Variants in MBOAT1 observed in about 807,000 individuals in gnomAD.
MBOAT1 encodes membrane bound glycerophospholipid O-acyltransferase 1.
Under a neutral mutation model 64.4 loss-of-function variants are expected in MBOAT1, and 67 were observed. The observed-to-expected ratio is 1.04, with a 90% CI of 0.85 to 1.27. The LOEUF is 1.27. MBOAT1 is among the 50% of genes most tolerant of loss of function. The pLI is 0.00. For missense variants in MBOAT1, 563 were observed against 604.6 expected, an observed-to-expected ratio of 0.93 and a Z score of 0.72; for synonymous variants, 229 against 218.9, an observed-to-expected ratio of 1.05 and a Z score of -0.41.
chr6:20,152,947 C>T (rs2113696715), intron 1 of MBOAT1, among the ~76,000 whole-genome samples, 178 bp from the exon 2 acceptor site: 1 of 152,318 alleles, frequency 6.6e-6, no homozygotes, highest in Admixed American at 6.5e-5. Context: ...ATTCTCCTGC[C>T]TCAGCCTCCG....
chr6:20,115,501 A>C, intron 9 of MBOAT1, 149 bp from the exon 10 acceptor site: 1 of 615,624 alleles, frequency 1.6e-6, no homozygotes, highest in Non-Finnish European at 2.9e-6. Context: ...TCCATCCTAC[A>C]CAGGACAATT....
At chr6:20,171,903 C>G (rs1324406599) in intron 1 of MBOAT1, among the ~76,000 whole-genome samples, 3 of 151,866 alleles carry the variant, frequency 2.0e-5, no homozygotes, top group Non-Finnish European at 4.4e-5. Flanking sequence ...ATGTGGTGCG[C>G]TCACCTGTAG....
chr6:20,146,928 C>T (rs2113684986), intron 3 of MBOAT1, among the ~76,000 whole-genome samples: 1 of 152,312 alleles, frequency 6.6e-6, no homozygotes, highest in East Asian at 1.9e-4. Context: ...GAAATCTCAT[C>T]TTAAATTGTA....
intron 5 of MBOAT1, 98 bp from the exon 6 acceptor site, chr6:20,128,851 T>C: frequency 1.2e-6 from 1 of 823,110 alleles, no homozygotes; most frequent in African/African-American, 1.7e-5. Context: ...CCAGGTAATC[T>C]TTGTTTGCTT....
intron 1 of MBOAT1, among the ~76,000 whole-genome samples, chr6:20,191,787 TAGCTATATTATTATAGTACTAATAA>T (rs555859308): frequency 1.3e-5 from 2 of 152,238 alleles, no homozygotes; most frequent in East Asian, 1.9e-4. Flanking sequence ...ATAGCTTTTA[TAGCTATATTATTATAGTACTAATAA>T]AGCTATATTA....
intron 1 of MBOAT1, 141 bp downstream of exon 1, chr6:20,211,994 AC>A (rs1278007822): frequency 6.0e-6 from 4 of 670,804 alleles, no homozygotes; most frequent in African/African-American, 1.8e-5. Flanking sequence ...ACACACACAC[AC>A]ACACACACAA....
At chr6:20,154,538 AAAAAT>A (rs1761621063) in intron 1 of MBOAT1, among the ~76,000 whole-genome samples, 1 of 152,168 alleles carries the variant, frequency 6.6e-6, no homozygotes, top group Non-Finnish European at 1.5e-5. Flanking sequence ...ATCTCAAAAT[AAAAAT>A]AAAATAAAAT....
intron 1 of MBOAT1, among the ~76,000 whole-genome samples, chr6:20,172,879 G>C (rs1434525087): frequency 6.6e-6 from 1 of 152,116 alleles, no homozygotes. Flanking sequence ...ATCTCATGTT[G>C]AATTGTAATC....
Position 20,212,221 on chromosome 6 carries a change from G to C in MBOAT1, c.14C>G (p.Pro5Arg). Reference sequence around the variant, plus strand: ...GCGGTAGGAAAGGCTGGACGGCTGCGGCTCTGCTGCCATCCTGCATCTTCG... The same window carrying C: ...GCGGTAGGAAAGGCTGGACGGCTGCCGCTCTGCTGCCATCCTGCATCTTCG... Reference protein sequence around the residue: MAAEPQPSSLSYRTT... With the variant: MAAERQPSSLSYRTT... Residue 5 changes from proline to arginine, a missense_variant, in exon 1 of 13, where the codon CCG becomes CGG. Physicochemically the swap from Pro to Arg is moderately radical, Grantham distance 103 (BLOSUM62 -2). Coordinates refer to ENST00000324607, the MANE Select transcript of MBOAT1 (RefSeq NM_001080480.3). 6.2e-7 allele frequency: 1 copy of C among 1,612,378 alleles called. No individual in the cohort carries two copies. Among genetic ancestry groups the C allele is most frequent in the Non-Finnish European group, 8.5e-7 (1 of 1,179,726 alleles).
chr6:20,193,831 T>C (rs1762876811), intron 1 of MBOAT1, among the ~76,000 whole-genome samples: 1 of 152,038 alleles, frequency 6.6e-6, no homozygotes, highest in Non-Finnish European at 1.5e-5. Flanking sequence ...GGTCTCGATC[T>C]CTTGACCTCA....
intron 1 of MBOAT1, among the ~76,000 whole-genome samples, chr6:20,163,411 G>T (rs977912838): frequency 6.6e-6 from 1 of 152,146 alleles, no homozygotes; most frequent in Admixed American, 6.5e-5. Context: ...TTAATGTGCT[G>T]CTGACTACCT....
At chr6:20,182,561 G>A (rs1227382413) in intron 1 of MBOAT1, among the ~76,000 whole-genome samples, 1 of 152,112 alleles carries the variant, frequency 6.6e-6, no homozygotes, top group Admixed American at 6.5e-5. Flanking sequence ...CAAGGGAAGG[G>A]AATGAGTGAC....
chr6:20,102,183 C>A lies in MBOAT1; in HGVS notation c.*103G>T. 1.2e-6 allele frequency: 1 copy of A among 855,068 alleles called. No homozygotes were observed. The highest frequency in any genetic ancestry group is 1.7e-6 in the Non-Finnish European group (1 of 584,926). The allele number at this position is 855,068 out of a possible 1,614,324, so 53.0% of individuals were successfully genotyped here. A position where few individuals can be genotyped will look rare whatever the true frequency, so the allele number is the denominator to read the frequency against. Reference sequence around the variant, plus strand: ...TTTAAAAAAGAACAAAATAAAGATGCATGTAAACATCGCCTCTAAGCCACC... The same window carrying A: ...TTTAAAAAAGAACAAAATAAAGATGAATGTAAACATCGCCTCTAAGCCACC... On this transcript the variant is annotated 3_prime_UTR_variant, in exon 13 of 13. Coordinates refer to ENST00000324607, the MANE Select transcript of MBOAT1 (RefSeq NM_001080480.3).
At chr6:20,103,899 T>C (rs1378149542) in intron 12 of MBOAT1, among the ~76,000 whole-genome samples, 1 of 152,208 alleles carries the variant, frequency 6.6e-6, no homozygotes, top group Non-Finnish European at 1.5e-5. Context: ...AAGTCTACAG[T>C]AGTGCACAGT....
At chr6:20,178,074 C>T (rs553964313) in intron 1 of MBOAT1, among the ~76,000 whole-genome samples, 2 of 152,282 alleles carry the variant, frequency 1.3e-5, no homozygotes, top group South Asian at 2.1e-4. Context: ...CATTAAAGTG[C>T]TCTATACCCA....
At chr6:20,195,637 A>ATGTGTG in intron 1 of MBOAT1, among the ~76,000 whole-genome samples, 1 of 142,154 alleles carries the variant, frequency 7.0e-6, no homozygotes, top group African/African-American at 2.7e-5. Flanking sequence ...GTGTGTGTGC[A>ATGTGTG]TGTGCACTAA....
In MBOAT1 at chr6:20,124,796, C is replaced by T. The variant is rs540908899; in HGVS notation, c.715-196G>A. Among the ~76,000 whole-genome samples, 20 of 152,318 alleles carry T rather than the reference C, an allele frequency of 1.3e-4. No homozygotes were observed. In the South Asian group the frequency reaches 4.1e-3, roughly 32 times the overall value. On this transcript the variant is annotated intron_variant, in intron 7 of 12. Coordinates refer to ENST00000324607, the MANE Select transcript of MBOAT1 (RefSeq NM_001080480.3). The stretch of plus-strand genomic sequence containing the variant: ...TTAGGTGCTATATTTAGATACAGAA[C>T]ATGCCTCTGACACTTGGGGGTTGAA...
intron 1 of MBOAT1, among the ~76,000 whole-genome samples, chr6:20,189,973 T>G (rs1010385242): frequency 4.6e-5 from 7 of 152,072 alleles, no homozygotes; most frequent in African/African-American, 1.7e-4. Context: ...TTGTGAAAGC[T>G]CTAAGTTTTT....
chr6:20,191,848 C>T (rs1234902260), intron 1 of MBOAT1, among the ~76,000 whole-genome samples: 1 of 152,070 alleles, frequency 6.6e-6, no homozygotes, highest in Non-Finnish European at 1.5e-5. Context: ...AGTACTATAA[C>T]TGGAAGTTAA....
Sources: gnomAD v4.1 joint callset for allele counts (sites outside exome capture counted in the v4.1 genomes callset) on GRCh38, gnomAD v4.1.1 for gene constraint, MANE v1.5 for transcripts, NCBI Gene and HGNC (gene_info 2026-07-23, HGNC 2026-07-21) for gene names.